UBXN7: variants seen among roughly 807,000 people sequenced by gnomAD.
UBXN7 encodes UBX domain protein 7.
A neutral mutation model predicts 58.0 loss-of-function variants in UBXN7; 9 were observed. That is an observed-to-expected ratio of 0.16 (90% CI 0.09 to 0.27). The LOEUF (loss-of-function observed/expected upper bound fraction) is 0.27, where lower values mean the gene tolerates loss of function less well. UBXN7 is among the 10% of genes least tolerant of loss of function. The pLI, the probability that UBXN7 is intolerant of heterozygous loss-of-function variation, is 1.00. For missense variants in UBXN7, 328 were observed against 599.6 expected, an observed-to-expected ratio of 0.55 and a Z score of 4.73; for synonymous variants, 208 against 205.0, an observed-to-expected ratio of 1.01 and a Z score of -0.12.
chr3:196,393,081 G>GC (rs1729636038), intron 4 of UBXN7, among the ~76,000 whole-genome samples: 1 of 152,098 alleles, frequency 6.6e-6, no homozygotes, highest in Non-Finnish European at 1.5e-5. Flanking sequence ...TCCTCTAAAA[G>GC]CATAAGACCA....
chr3:196,429,983 CAGA>C (rs1400775469), intron 1 of UBXN7, among the ~76,000 whole-genome samples: 2 of 152,126 alleles, frequency 1.3e-5, no homozygotes, highest in Non-Finnish European at 2.9e-5. Context: ...AATGTTGCAA[CAGA>C]AGAAGTAATG....
chr3:196,417,042 G>C (rs1358878977), intron 1 of UBXN7, among the ~76,000 whole-genome samples: 1 of 152,298 alleles, frequency 6.6e-6, no homozygotes, highest in East Asian at 1.9e-4. Flanking sequence ...ACACAGGCGC[G>C]GCGGCTCACG....
intron 3 of UBXN7, among the ~76,000 whole-genome samples, chr3:196,395,903 C>A (rs1729754481): frequency 6.6e-6 from 1 of 152,052 alleles, no homozygotes; most frequent in Admixed American, 6.6e-5. Flanking sequence ...GTACGTGGGA[C>A]AACAGGCATG....
intron 3 of UBXN7, 28 bp downstream of exon 3, chr3:196,402,924 T>C (rs775881127): frequency 6.3e-7 from 1 of 1,583,582 alleles, no homozygotes; most frequent in South Asian, 1.2e-5. Context: ...CAAAATCAAA[T>C]AAGGCTAAGG....
At chr3:196,398,309 C>T (rs917550903) in intron 3 of UBXN7, among the ~76,000 whole-genome samples, 6 of 152,046 alleles carry the variant, frequency 3.9e-5, no homozygotes, top group Non-Finnish European at 7.4e-5. Context: ...AGATAACAAA[C>T]GTTTGTTTTT....
At chr3:196,430,840 G>A (rs1048278390) in intron 1 of UBXN7, among the ~76,000 whole-genome samples, 3 of 152,118 alleles carry the variant, frequency 2.0e-5, no homozygotes, top group African/African-American at 7.2e-5. Context: ...GCAATGATTT[G>A]TCAGACATTA....
chr3:196,379,003 A>T (rs1377670204), intron 5 of UBXN7, among the ~76,000 whole-genome samples: 3 of 98,698 alleles, frequency 3.0e-5, no homozygotes, highest in African/African-American at 4.1e-5. Context: ...GTTTTGGGGG[A>T]TTTTAGCCAG....
At chr3:196,429,118 G>C (rs1730941264) in intron 1 of UBXN7, among the ~76,000 whole-genome samples, 1 of 152,198 alleles carries the variant, frequency 6.6e-6, no homozygotes, top group Admixed American at 6.5e-5. Context: ...ACGAGGTCAG[G>C]AGATCGAGAC....
At position 196,353,668 on chromosome 3, in the gene UBXN7, G is replaced by C. The variant is rs1481640188; in HGVS notation, c.*3017C>G. 6.6e-6 allele frequency: 1 copy of C among 151,902 alleles called. No individual in the cohort carries two copies. The highest frequency in any genetic ancestry group is 2.4e-5 in the African/African-American group (1 of 41,318). 9.4% of individuals were successfully genotyped at this position (151,902 alleles called of 1,614,324 possible). On this transcript the variant is annotated 3_prime_UTR_variant, in exon 11 of 11. Transcript: ENST00000296328. ...CACCCAGGTAATTTTTGTATTTTTAGTAGAGACGGGGTTTCACCATGTTGC... is the reference window on the plus strand; with the variant it reads ...CACCCAGGTAATTTTTGTATTTTTACTAGAGACGGGGTTTCACCATGTTGC...
intron 3 of UBXN7, among the ~76,000 whole-genome samples, chr3:196,398,566 A>G (rs1729850427): frequency 6.6e-6 from 1 of 152,208 alleles, no homozygotes; most frequent in Non-Finnish European, 1.5e-5. Flanking sequence ...AAGTACTGGG[A>G]AAGTATCAAG....
chr3:196,419,268 A>T (rs1245129661), intron 1 of UBXN7, among the ~76,000 whole-genome samples: 1 of 152,024 alleles, frequency 6.6e-6, no homozygotes, highest in African/African-American at 2.4e-5. Context: ...TGGGCAACAG[A>T]GCAAGACCCT....
At chr3:196,430,383 A>AATT (rs1427810352) in intron 1 of UBXN7, among the ~76,000 whole-genome samples, 6 of 151,840 alleles carry the variant, frequency 4.0e-5, no homozygotes, top group African/African-American at 7.3e-5. Context: ...TAATAATAAT[A>AATT]ATAAGTGGCT....
chr3:196,386,380 TAA>T (rs34268326), intron 5 of UBXN7, among the ~76,000 whole-genome samples: 1,054 of 57,748 alleles, frequency 0.018, 18 homozygotes, highest in South Asian at 0.12. Flanking sequence ...TAATAAACAC[TAA>T]AAAAAAAAAA....
chr3:196,421,082 T>C (rs889877364), intron 1 of UBXN7, among the ~76,000 whole-genome samples: 5 of 152,190 alleles, frequency 3.3e-5, no homozygotes, highest in African/African-American at 1.2e-4. Flanking sequence ...TTAACCTCAG[T>C]CTCTAATCCT....
At chr3:196,400,727 C>G (rs975498300) in intron 3 of UBXN7, 2 of 378,678 alleles carry the variant, frequency 5.3e-6, no homozygotes, top group African/African-American at 4.4e-5. Context: ...GCAACAGACT[C>G]CATTTCTGCA....
rs1728841285 is a variant in UBXN7 at position 196,371,836 on chromosome 3, C to T, written c.615+60G>A. ...TCATTATAACCCAATTCCTTTCCCTCAACAACCCACACTACAAAAGTAAAA... is the reference window on the plus strand; with the variant it reads ...TCATTATAACCCAATTCCTTTCCCTTAACAACCCACACTACAAAAGTAAAA... On this transcript the variant is annotated intron_variant, in intron 6 of 10. Coordinates refer to ENST00000296328, the MANE Select transcript of UBXN7 (RefSeq NM_015562.2). 58 of 1,567,682 alleles carry T rather than the reference C, an allele frequency of 3.7e-5. 1 individual carries two copies. In the South Asian group the frequency reaches 6.4e-4, roughly 17 times the overall value.
At chr3:196,386,560 T>C (rs1296823959) in intron 5 of UBXN7, among the ~76,000 whole-genome samples, 1 of 152,118 alleles carries the variant, frequency 6.6e-6, no homozygotes, top group East Asian at 1.9e-4. Context: ...CAAGCATTCC[T>C]ATACACCATT....
At position 196,353,287 on chromosome 3, in the gene UBXN7, A is replaced by G. The variant is rs1362010943; in HGVS notation, c.*3398T>C. On this transcript the variant is annotated 3_prime_UTR_variant, in exon 11 of 11. Transcript: ENST00000296328. ...ATACCTGTTTTCTTAACATGGGAAG[A>G]AAGTATACATTTTGTACGATTCTTC... The G allele has an allele frequency of 6.6e-6, 1 of 152,242 alleles. No homozygotes were observed. Among genetic ancestry groups the G allele is most frequent in the Non-Finnish European group, 1.5e-5 (1 of 68,044 alleles). 9.4% of individuals were successfully genotyped at this position (152,242 alleles called of 1,614,324 possible).
chr3:196,381,464 A>T (rs2108839342), intron 5 of UBXN7, among the ~76,000 whole-genome samples: 1 of 152,368 alleles, frequency 6.6e-6, no homozygotes, highest in East Asian at 1.9e-4. Context: ...GGTCATCTAC[A>T]CCAAAATCCC....
Sources: gnomAD v4.1 joint callset for allele counts (sites outside exome capture counted in the v4.1 genomes callset) on GRCh38, gnomAD v4.1.1 for gene constraint, MANE v1.5 for transcripts, NCBI Gene and HGNC (gene_info 2026-07-23, HGNC 2026-07-21) for gene names.